SAMSN1: variants seen among roughly 807,000 people sequenced by gnomAD.
The protein encoded by SAMSN1 is SAM domain, SH3 domain and nuclear localization signals 1, also known as SAM domain-containing protein SAMSN-1.
In SAMSN1, 31 loss-of-function variants were observed where a neutral mutation model predicts 42.0. The observed-to-expected ratio is 0.74, with a 90% CI of 0.55 to 1.00. The LOEUF is 1.00. Among genes scored for constraint, SAMSN1 ranks in the 50% least tolerant of loss-of-function variants. The pLI is 0.00. For missense variants in SAMSN1, 464 were observed against 439.4 expected, an observed-to-expected ratio of 1.06 and a Z score of -0.50; for synonymous variants, 178 against 151.9, an observed-to-expected ratio of 1.17 and a Z score of -1.26.
intron 1 of SAMSN1, among the ~76,000 whole-genome samples, chr21:14,646,242 G>C (rs766373733): frequency 2.6e-5 from 4 of 151,918 alleles, no homozygotes; most frequent in Non-Finnish European, 4.4e-5. Context: ...AACTATCAAG[G>C]ATAAAGAAAG....
intron 1 of SAMSN1, among the ~76,000 whole-genome samples, chr21:14,530,836 C>T (rs1206725602): frequency 1.3e-5 from 2 of 152,266 alleles, no homozygotes; most frequent in African/African-American, 2.4e-5. Flanking sequence ...TTTTGCATTA[C>T]TAATTTTGTT....
intron 2 of SAMSN1, chr21:14,642,989 A>G (rs756556416): frequency 4.2e-6 from 3 of 716,970 alleles, no homozygotes; most frequent in Non-Finnish European, 7.8e-6. Flanking sequence ...ACTCCAGTCA[A>G]TGCTTCACTC....
intron 7 of SAMSN1, among the ~76,000 whole-genome samples, 177 bp downstream of exon 7, chr21:14,498,265 C>T (rs1986991804): frequency 6.6e-6 from 1 of 152,154 alleles, no homozygotes; most frequent in Non-Finnish European, 1.5e-5. Context: ...AGTTCCTTTT[C>T]CTAATTACAT....
intron 6 of SAMSN1, among the ~76,000 whole-genome samples, chr21:14,594,345 G>C (rs940973979): frequency 5.9e-5 from 9 of 152,028 alleles, no homozygotes; most frequent in African/African-American, 9.7e-5. Flanking sequence ...TGTGATATGT[G>C]TATGTGTCTA....
chr21:14,502,612 G>A (rs1160567994), intron 5 of SAMSN1, among the ~76,000 whole-genome samples: 6 of 152,126 alleles, frequency 3.9e-5, no homozygotes, highest in South Asian at 2.1e-4. Context: ...CCCTTGGCAC[G>A]GTATTGTACG....
intron 2 of SAMSN1, among the ~76,000 whole-genome samples, chr21:14,631,578 A>G (rs923004454): frequency 4.6e-5 from 7 of 152,154 alleles, no homozygotes; most frequent in South Asian, 2.1e-4. Flanking sequence ...TATTGGCCAG[A>G]CTGGTCTCAA....
chr21:14,513,734 G>A (rs529712349), intron 3 of SAMSN1, among the ~76,000 whole-genome samples: 2 of 152,156 alleles, frequency 1.3e-5, no homozygotes, highest in South Asian at 4.1e-4. Context: ...TGACCTAAAG[G>A]ATAAGAAGAT....
intron 6 of SAMSN1, among the ~76,000 whole-genome samples, chr21:14,498,922 C>A (rs150036502): frequency 3.1e-3 from 474 of 152,310 alleles, no homozygotes; most frequent in African/African-American, 0.011. Flanking sequence ...ATTGACAGAA[C>A]TAGCATTACT....
intron 2 of SAMSN1, among the ~76,000 whole-genome samples, chr21:14,639,140 A>G (rs1014916295): frequency 2.6e-5 from 4 of 152,262 alleles, no homozygotes; most frequent in Non-Finnish European, 1.5e-5. Flanking sequence ...TTCAGTCAAT[A>G]TAGACAGCAA....
intron 5 of SAMSN1, among the ~76,000 whole-genome samples, chr21:14,501,444 C>A (rs1987148177): frequency 6.6e-6 from 1 of 152,162 alleles, no homozygotes; most frequent in African/African-American, 2.4e-5. Context: ...AAGTTAACGG[C>A]AGAACCAGAA....
rs138516748 is a variant in SAMSN1, at chr21:14,510,325, G to A, written c.546C>T (p.Asp182=). The change falls in exon 5 of 8, where the codon GAC becomes GAT. Residue 182 remains aspartate, a synonymous_variant. Coordinates refer to ENST00000400566, the MANE Select transcript of SAMSN1 (RefSeq NM_022136.5). The part of the protein sequence containing the change: ...TDFTPSPYDT[D]SLKIKKGDII... ...GTCCTCTCACCTTGATTTTGAGGGA[G>A]TCAGTGTCATAGGGACTTGGCGTGA... 244 of 1,614,098 alleles carry A rather than the reference G, an allele frequency of 1.5e-4. 4 individuals are homozygous for A. The East Asian group carries it at 5.0e-3, about 33-fold the overall frequency.
chr21:14,514,478 A>G (rs1336910651), intron 3 of SAMSN1, among the ~76,000 whole-genome samples: 4 of 152,190 alleles, frequency 2.6e-5, no homozygotes, highest in Non-Finnish European at 4.4e-5. Context: ...ATGGAAAGCA[A>G]TTAGGGGATT....
chr21:14,500,759 C>T (rs748751346), intron 5 of SAMSN1, 24 bp from the exon 6 acceptor site: 4 of 1,543,194 alleles, frequency 2.6e-6, no homozygotes, highest in Non-Finnish European at 3.6e-6. Flanking sequence ...AATCCATACA[C>T]ATTAGATTTC....
chr21:14,512,408 A>G, intron 4 of SAMSN1, 36 bp downstream of exon 4: 6 of 1,607,268 alleles, frequency 3.7e-6, no homozygotes, highest in Non-Finnish European at 5.1e-6. Context: ...CCCAGACCTC[A>G]CACCCAGGAT....
At chr21:14,576,600 A>C (rs764791522) in intron 2 of SAMSN1, among the ~76,000 whole-genome samples, 1 of 152,214 alleles carries the variant, frequency 6.6e-6, no homozygotes, top group Non-Finnish European at 1.5e-5. Context: ...TTTATTGGTG[A>C]ACATTAGCAG....
intron 1 of SAMSN1, among the ~76,000 whole-genome samples, chr21:14,532,185 G>A (rs533696626): frequency 1.3e-5 from 2 of 152,040 alleles, no homozygotes; most frequent in African/African-American, 2.4e-5. Flanking sequence ...GTTTCAAGGG[G>A]AACCTTTTTA....
intron 2 of SAMSN1, among the ~76,000 whole-genome samples, chr21:14,555,222 G>A (rs1980726278): frequency 6.6e-6 from 1 of 152,102 alleles, no homozygotes; most frequent in South Asian, 2.1e-4. Flanking sequence ...AGATTGCAAC[G>A]TGCTCCAACT....
upstream of SAMSN1, among the ~76,000 whole-genome samples, chr21:14,587,649 C>T (rs1981957504): frequency 2.0e-5 from 3 of 152,110 alleles, no homozygotes; most frequent in Admixed American, 2.0e-4. Flanking sequence ...TAATGACTCC[C>T]AATTTATTTC....
At chr21:14,504,188 A>G (rs945929092) in intron 5 of SAMSN1, among the ~76,000 whole-genome samples, 16 of 152,180 alleles carry the variant, frequency 1.1e-4, no homozygotes, top group African/African-American at 3.6e-4. Flanking sequence ...ACATGACAAA[A>G]CAAGCTTCTT....
Sources: allele counts gnomAD v4.1 joint callset (sites outside exome capture counted in the v4.1 genomes callset), GRCh38; gene constraint gnomAD v4.1.1; transcripts MANE v1.5; gene names NCBI Gene and HGNC (gene_info 2026-07-23, HGNC 2026-07-21).